FBN1: variants seen among roughly 807,000 people sequenced by gnomAD.
The protein encoded by FBN1 is fibrillin-1.
A neutral mutation model predicts 365.1 loss-of-function variants in FBN1; 29 were observed. The ratio of observed to expected loss-of-function variants is 0.08; its 90% CI spans 0.06 to 0.11. The LOEUF (loss-of-function observed/expected upper bound fraction) is 0.11. Among genes scored for constraint, FBN1 ranks in the 10% least tolerant of loss-of-function variants. FBN1 has a pLI of 1.00. For missense variants in FBN1, 2,476 were observed against 3,703.2 expected, an observed-to-expected ratio of 0.67 and a Z score of 8.60; for synonymous variants, 1,210 against 1,270.5, an observed-to-expected ratio of 0.95 and a Z score of 1.01.
chr15:48,434,829 A>G, intron 53 of FBN1, 116 bp from the exon 54 acceptor site: 1 of 1,289,314 alleles, frequency 7.8e-7, no homozygotes, highest in Admixed American at 1.9e-5. Context: ...ACAGAGTCTC[A>G]CTTTGACATC....
intron 27 of FBN1, 109 bp from the exon 28 acceptor site, chr15:48,487,546 A>C: frequency 8.2e-6 from 12 of 1,464,268 alleles, no homozygotes; most frequent in South Asian, 1.1e-5. Context: ...TCCTTGTCTC[A>C]AGGTGGGACA....
At chr15:48,625,772 C>CT (rs750209980) in intron 2 of FBN1, among the ~76,000 whole-genome samples, 20 of 152,200 alleles carry the variant, frequency 1.3e-4, no homozygotes, top group Non-Finnish European at 2.2e-4. Context: ...TATTTGGTGA[C>CT]TTTAGTCTCA....
chr15:48,487,508 C>G lies in FBN1; in HGVS notation c.3338-71G>C, dbSNP rs1451487048. ...TCCACCAGACCAAGCACTCCTCCCC[C>G]ACCCATTGCTGGGTGTCCATCTTGA... On this transcript the variant is annotated intron_variant, in intron 27 of 65. Coordinates refer to ENST00000316623, the MANE Select transcript of FBN1 (RefSeq NM_000138.5). 6.9e-6 allele frequency: 11 copies of G among 1,599,046 alleles called. 1 individual carries two copies. Among genetic ancestry groups the G allele is most frequent in the Middle Eastern group, 3.4e-4 (2 of 5,848 alleles).
chr15:48,452,705 A>C, intron 44 of FBN1, 21 bp from the exon 45 acceptor site: 7 of 1,613,674 alleles, frequency 4.3e-6, no homozygotes, highest in Non-Finnish European at 5.9e-6. Flanking sequence ...AAGAGAACTG[A>C]ATTTGAAGGA....
chr15:48,421,282 T>A (rs2042939333), intron 62 of FBN1, among the ~76,000 whole-genome samples: 1 of 152,196 alleles, frequency 6.6e-6, no homozygotes. Context: ...ATCAAGTATA[T>A]TTTTCTTGAC....
At chr15:48,568,236 A>G (rs964997368) in intron 6 of FBN1, among the ~76,000 whole-genome samples, 4 of 151,962 alleles carry the variant, frequency 2.6e-5, no homozygotes, top group Non-Finnish European at 5.9e-5. Context: ...GAACAATCAG[A>G]AAATTAAATT....
chr15:48,458,874 A>AAT, intron 43 of FBN1, among the ~76,000 whole-genome samples: 1 of 152,224 alleles, frequency 6.6e-6, no homozygotes, highest in East Asian at 1.9e-4. Flanking sequence ...CAGTCATCTA[A>AAT]ATATTTTGTC....
At chr15:48,508,834 C>T (rs914630079) in intron 14 of FBN1, 130 bp from the exon 15 acceptor site, 5 of 1,085,572 alleles carry the variant, frequency 4.6e-6, no homozygotes, top group Non-Finnish European at 5.3e-6. Context: ...GGCTAACTTT[C>T]ATCCAAATAA....
chr15:48,537,679 A>G lies in FBN1; in HGVS notation c.668T>C (p.Met223Thr). 6.2e-7 allele frequency: 1 copy of G among 1,614,208 alleles called. No homozygotes were observed. ...GCAGGGGTGAGGCTGGGCAGGACAC[A>G]TCTCACAGGGGTGGCCCCAGGCTCG... ...VGRAWGHPCE[M>T]CPAQPHPCRR... The change falls in exon 7 of 66, where the codon ATG becomes ACG. Residue 223 changes from methionine to threonine, a missense_variant. This residue lies in a region of FBN1 where 421 missense variants were observed against 520.1 expected (regional missense o/e 0.81). Transcript: ENST00000316623.
In FBN1 at chr15:48,408,987, T is replaced by C. The variant is rs551933552; in HGVS notation, c.*2003A>G. 6.6e-6 allele frequency: 1 copy of C among 152,340 alleles called. No individual in the cohort carries two copies. Among genetic ancestry groups the C allele is most frequent in the South Asian group, 2.1e-4 (1 of 4,826 alleles). 9.4% of individuals were successfully genotyped at this position (152,340 alleles called of 1,614,324 possible). On this transcript the variant is annotated 3_prime_UTR_variant, in exon 66 of 66. Transcript: ENST00000316623. ...CACCTCTATCACATGGTTCCATAGG[T>C]GCAGCGTTAGAAGGAAATTTTGAGT...
chr15:48,508,740 A>G, intron 14 of FBN1, 36 bp from the exon 15 acceptor site: 1 of 1,612,040 alleles, frequency 6.2e-7, no homozygotes, highest in Non-Finnish European at 8.5e-7. Flanking sequence ...TTATGACCAG[A>G]AGAGTAAGCT....
intron 6 of FBN1, among the ~76,000 whole-genome samples, chr15:48,582,752 C>T (rs16961192): frequency 0.013 from 1,910 of 152,246 alleles, 40 homozygotes; most frequent in African/African-American, 0.044. Flanking sequence ...TTTTTGGACA[C>T]TTGAGTTCCA....
At chr15:48,521,369 C>A (rs552229815) in intron 9 of FBN1, among the ~76,000 whole-genome samples, 1 of 152,200 alleles carries the variant, frequency 6.6e-6, no homozygotes, top group East Asian at 1.9e-4. Flanking sequence ...GCATTTAGAT[C>A]CAATGCTTAT....
At chr15:48,440,127 A>G (rs2043101476) in intron 50 of FBN1, among the ~76,000 whole-genome samples, 1 of 152,144 alleles carries the variant, frequency 6.6e-6, no homozygotes, top group South Asian at 2.1e-4. Context: ...TGGGGAAGAG[A>G]GCTGTGCTTG....
chr15:48,564,120 G>A (rs1245731329), intron 6 of FBN1, among the ~76,000 whole-genome samples: 1 of 152,112 alleles, frequency 6.6e-6, no homozygotes, highest in Non-Finnish European at 1.5e-5. Flanking sequence ...TGTAATGTTT[G>A]GTATGGGAGG....
chr15:48,563,081 A>G (rs2044236327), intron 6 of FBN1, among the ~76,000 whole-genome samples: 1 of 152,184 alleles, frequency 6.6e-6, no homozygotes, highest in Admixed American at 6.5e-5. Flanking sequence ...TGAACAATCA[A>G]ATGAACCAAG....
chr15:48,411,854 T>C (rs1023252407), intron 65 of FBN1, among the ~76,000 whole-genome samples: 1 of 152,256 alleles, frequency 6.6e-6, no homozygotes, highest in Non-Finnish European at 1.5e-5. Flanking sequence ...TGACAGCAGA[T>C]GGGTTGCAGC....
At chr15:48,607,333 T>C (rs973687620) in intron 4 of FBN1, among the ~76,000 whole-genome samples, 14 of 145,238 alleles carry the variant, frequency 9.6e-5, no homozygotes, top group Non-Finnish European at 1.6e-4. Context: ...ATTATATATA[T>C]AATTAGACAA....
intron 8 of FBN1, among the ~76,000 whole-genome samples, chr15:48,526,886 A>C (rs1378182549): frequency 6.6e-6 from 1 of 152,230 alleles, no homozygotes; most frequent in Non-Finnish European, 1.5e-5. Flanking sequence ...TACTGTCAAC[A>C]CACGGTCTTT....
Sources: gnomAD v4.1 joint callset for allele counts (sites outside exome capture counted in the v4.1 genomes callset) on GRCh38, gnomAD v4.1.1 for gene constraint, gnomAD v4.1.1 regional missense constraint, MANE v1.5 for transcripts, NCBI Gene and HGNC (gene_info 2026-07-23, HGNC 2026-07-21) for gene names.